The following MTA3 variants were observed in gnomAD, a reference collection of about 807,000 sequenced individuals.
The protein encoded by MTA3 is metastasis-associated protein MTA3.
MTA3 carries 34 observed loss-of-function variants against 83.5 expected under a neutral mutation model. The observed-to-expected ratio is 0.41, with a 90% CI of 0.31 to 0.54. The LOEUF (loss-of-function observed/expected upper bound fraction) is 0.54, where lower values mean the gene tolerates loss of function less well. Ranked by LOEUF, MTA3 falls within the 20% of genes least tolerant of loss-of-function variation. The pLI is 0.33. For missense variants in MTA3, 761 were observed against 726.4 expected, an observed-to-expected ratio of 1.05 and a Z score of -0.55; for synonymous variants, 303 against 252.7, an observed-to-expected ratio of 1.20 and a Z score of -1.89.
At chr2:42,605,897 A>T (rs539457344) in intron 3 of MTA3, among the ~76,000 whole-genome samples, 2 of 84,946 alleles carry the variant, frequency 2.4e-5, no homozygotes, top group African/African-American at 9.5e-5. Flanking sequence ...GGGGCTCCTC[A>T]CTTCCCAGTA....
At position 42,572,122 on chromosome 2, in the gene MTA3, A is replaced by G. The variant is rs527805643; in HGVS notation, c.96+1618A>G. Among the ~76,000 whole-genome samples the G allele has an allele frequency of 2.2e-4, 33 of 151,596 alleles. No individual in the cohort carries two copies. The East Asian group carries it at 5.4e-3, about 25-fold the overall frequency. ...GAAACCCCGTCTCTACTAAAAATAC[A>G]AAAAAAATTAGCCGGGCATGGTGGT... On this transcript the variant is annotated intron_variant, in intron 2 of 16. Coordinates refer to ENST00000405094, the MANE Select transcript of MTA3 (RefSeq NM_001330442.2).
intron 3 of MTA3, among the ~76,000 whole-genome samples, chr2:42,608,352 C>T (rs1215034177): frequency 2.6e-5 from 4 of 152,126 alleles, no homozygotes; most frequent in Non-Finnish European, 5.9e-5. Flanking sequence ...AAGTAAATGG[C>T]CCTTTTAGTG....
intron 16 of MTA3, among the ~76,000 whole-genome samples, chr2:42,747,416 G>A (rs778467475): frequency 6.6e-6 from 1 of 152,026 alleles, no homozygotes; most frequent in Non-Finnish European, 1.5e-5. Flanking sequence ...AGAGCTCCAA[G>A]ACAGAAAGGC....
intron 8 of MTA3, among the ~76,000 whole-genome samples, chr2:42,674,399 C>G (rs116554648): frequency 6.0e-4 from 91 of 152,330 alleles, no homozygotes; most frequent in Non-Finnish European, 1.2e-3. Context: ...TCATCTCCAT[C>G]TGTTATGAAT....
chr2:42,612,446 C>T (rs564006243), intron 4 of MTA3, among the ~76,000 whole-genome samples: 6 of 152,262 alleles, frequency 3.9e-5, no homozygotes, highest in South Asian at 4.1e-4. Flanking sequence ...GAACTCTTGA[C>T]CTAAAGTGAT....
rs1161124990 is a variant in MTA3, at chr2:42,723,012, ACAGT to A, written c.1739_1742del (p.Ser580IlefsTer151). 6.4e-7 allele frequency: 1 copy of A among 1,550,738 alleles called. No homozygotes were observed. Among genetic ancestry groups the A allele is most frequent in the Non-Finnish European group, 8.7e-7 (1 of 1,147,046 alleles). Reference sequence around the variant, plus strand: ...CTGAGCATTCTGGGGAAAAGAAACTACAGTCATCACAATGGTCTGGATGGTATGT... The same window carrying A: ...CTGAGCATTCTGGGGAAAAGAAACTACATCACAATGGTCTGGATGGTATGT... On this transcript the variant is annotated frameshift_variant, in exon 16 of 17. Coordinates refer to ENST00000405094, the MANE Select transcript of MTA3 (RefSeq NM_001330442.2). LOFTEE classifies it high-confidence loss of function.
chr2:42,502,283 C>T (rs746291881), intron 2 of MTA3, among the ~76,000 whole-genome samples: 32 of 152,108 alleles, frequency 2.1e-4, no homozygotes, highest in Non-Finnish European at 3.8e-4. Flanking sequence ...CAAGTGTGAC[C>T]TCCTCCAGGA....
At chr2:42,521,540 C>T (rs148638775) in intron 2 of MTA3, among the ~76,000 whole-genome samples, 1 of 152,256 alleles carries the variant, frequency 6.6e-6, no homozygotes, top group African/African-American at 2.4e-5. Flanking sequence ...CCTTCATGGG[C>T]AACTCAAACT....
intron 16 of MTA3, among the ~76,000 whole-genome samples, chr2:42,739,414 A>G (rs991020613): frequency 1.3e-5 from 2 of 151,314 alleles, no homozygotes; most frequent in African/African-American, 4.9e-5. Flanking sequence ...ATAACAATGT[A>G]TATACCTTAA....
At chr2:42,584,145 G>A (rs1174414331) in intron 3 of MTA3, among the ~76,000 whole-genome samples, 6 of 151,934 alleles carry the variant, frequency 3.9e-5, no homozygotes, top group East Asian at 3.9e-4. Context: ...CCCACCTTAC[G>A]AACTCTTAAA....
intron 14 of MTA3, among the ~76,000 whole-genome samples, chr2:42,713,693 C>T (rs1050164523): frequency 6.6e-6 from 1 of 152,154 alleles, no homozygotes; most frequent in Non-Finnish European, 1.5e-5. Context: ...TATTAACATA[C>T]TGTCTATATT....
At chr2:42,585,743 G>A (rs1337798251) in intron 3 of MTA3, among the ~76,000 whole-genome samples, 3 of 151,800 alleles carry the variant, frequency 2.0e-5, no homozygotes, top group East Asian at 2.0e-4. Context: ...CAAAGTGCTC[G>A]GATTAGAGGC....
chr2:42,614,244 A>C (rs1684576247), intron 4 of MTA3: 2 of 151,954 alleles, frequency 1.3e-5, no homozygotes, highest in Non-Finnish European at 1.5e-5. Flanking sequence ...ATTACAGGCA[A>C]GTGCCAGCAC....
intron 2 of MTA3, among the ~76,000 whole-genome samples, chr2:42,550,269 G>A (rs1216200155): frequency 1.3e-5 from 2 of 152,174 alleles, no homozygotes; most frequent in African/African-American, 2.4e-5. Context: ...CATGATAATT[G>A]CTTAGTTAAG....
At chr2:42,650,718 C>T (rs1044765752) in intron 6 of MTA3, among the ~76,000 whole-genome samples, 4 of 152,190 alleles carry the variant, frequency 2.6e-5, no homozygotes, top group South Asian at 2.1e-4. Context: ...CATGAGCCAC[C>T]GCACCCTTGA....
At chr2:42,677,637 C>T (rs1264319814) in intron 8 of MTA3, among the ~76,000 whole-genome samples, 1 of 152,042 alleles carries the variant, frequency 6.6e-6, no homozygotes, top group Non-Finnish European at 1.5e-5. Context: ...AGCCACCGTA[C>T]CTCGTCCTGA....
At chr2:42,540,098 A>G (rs1481752828) in intron 2 of MTA3, among the ~76,000 whole-genome samples, 2 of 151,934 alleles carry the variant, frequency 1.3e-5, no homozygotes, top group Admixed American at 1.3e-4. Context: ...GGCCCTGTCC[A>G]ATCACCAGGA....
chr2:42,672,518 G>C (rs1029403213), intron 8 of MTA3, among the ~76,000 whole-genome samples: 3 of 151,194 alleles, frequency 2.0e-5, no homozygotes, highest in Admixed American at 2.0e-4. Context: ...AGTGGTGGGC[G>C]CCTGTAATCC....
chr2:42,717,401 G>A (rs6544590), intron 14 of MTA3, among the ~76,000 whole-genome samples: 102,504 of 151,966 alleles, frequency 0.67, 36,355 homozygotes, highest in African/African-American at 0.9. Context: ...GAATCATACA[G>A]GTTAAAGTGA....
Sources: allele counts gnomAD v4.1 joint callset (sites outside exome capture counted in the v4.1 genomes callset), GRCh38; gene constraint gnomAD v4.1.1; transcripts MANE v1.5; gene names NCBI Gene and HGNC (gene_info 2026-07-23, HGNC 2026-07-21).